RBMS3: variants seen among roughly 807,000 people sequenced by gnomAD.
RBMS3 encodes RNA binding motif single stranded interacting protein 3.
In RBMS3, 27 loss-of-function variants were observed where a neutral mutation model predicts 66.8. The ratio of observed to expected loss-of-function variants is 0.40; its 90% CI spans 0.30 to 0.56. The LOEUF (loss-of-function observed/expected upper bound fraction) is 0.56, where lower values mean the gene tolerates loss of function less well. RBMS3 is among the 20% of genes least tolerant of loss of function. The pLI, the probability that RBMS3 is intolerant of heterozygous loss-of-function variation, is 0.40. For missense variants in RBMS3, 513 were observed against 549.5 expected, an observed-to-expected ratio of 0.93 and a Z score of 0.66; for synonymous variants, 188 against 183.0, an observed-to-expected ratio of 1.03 and a Z score of -0.22.
intron 3 of RBMS3, among the ~76,000 whole-genome samples, chr3:29,584,377 A>G (rs1161742852): frequency 2.0e-5 from 3 of 152,006 alleles, no homozygotes; most frequent in Non-Finnish European, 4.4e-5. Context: ...TTTCTTTTAT[A>G]CTTACTCTGG....
intron 1 of RBMS3, among the ~76,000 whole-genome samples, chr3:29,405,126 G>A (rs1455518550): frequency 6.6e-6 from 1 of 152,084 alleles, no homozygotes; most frequent in Non-Finnish European, 1.5e-5. Context: ...AGTTTTCATA[G>A]ATTTTAAAAA....
At chr3:29,800,824 T>C (rs1423305521) in intron 6 of RBMS3, among the ~76,000 whole-genome samples, 4 of 152,010 alleles carry the variant, frequency 2.6e-5, no homozygotes, top group Non-Finnish European at 5.9e-5. Flanking sequence ...ACATTTTTTT[T>C]CCATATCACA....
chr3:29,686,474 C>T (rs1339152775), intron 4 of RBMS3, among the ~76,000 whole-genome samples: 4 of 151,966 alleles, frequency 2.6e-5, no homozygotes, highest in Admixed American at 2.6e-4. Context: ...TGCTTGAGGC[C>T]AGGAGTTTAA....
chr3:29,782,764 C>T (rs900894079), intron 6 of RBMS3, among the ~76,000 whole-genome samples: 1 of 152,024 alleles, frequency 6.6e-6, no homozygotes, highest in African/African-American at 2.4e-5. Context: ...TGAAGTCCAA[C>T]TTAAAGAAAT....
intron 2 of RBMS3, among the ~76,000 whole-genome samples, chr3:29,462,894 A>G (rs1371527125): frequency 1.3e-5 from 2 of 152,236 alleles, no homozygotes; most frequent in Admixed American, 1.3e-4. Context: ...TTTTTTAGAG[A>G]TGATCTTCAG....
chr3:29,360,300 A>G (rs2037497039), intron 1 of RBMS3, among the ~76,000 whole-genome samples: 1 of 151,796 alleles, frequency 6.6e-6, no homozygotes, highest in Non-Finnish European at 1.5e-5. Flanking sequence ...TCATTTCGTT[A>G]TGTACCCAGT....
chr3:29,781,810 T>C (rs10470660), intron 6 of RBMS3, among the ~76,000 whole-genome samples: 74,106 of 151,440 alleles, frequency 0.49, 18,415 homozygotes, highest in East Asian at 0.64. Flanking sequence ...GGAGTGAGAC[T>C]GGCCTTTAGT....
At chr3:29,587,797 G>T (rs1270355531) in intron 4 of RBMS3, among the ~76,000 whole-genome samples, 3 of 151,892 alleles carry the variant, frequency 2.0e-5, no homozygotes, top group African/African-American at 7.3e-5. Context: ...AGTTTTCTAA[G>T]ATACTTTTAG....
chr3:29,970,797 T>C (rs963914454), intron 12 of RBMS3, among the ~76,000 whole-genome samples: 1 of 152,202 alleles, frequency 6.6e-6, no homozygotes, highest in Admixed American at 6.6e-5. Flanking sequence ...AAAATCCCAC[T>C]CAGAGTCACA....
intron 4 of RBMS3, among the ~76,000 whole-genome samples, chr3:29,699,061 T>C (rs1405343246): frequency 6.6e-6 from 1 of 152,204 alleles, no homozygotes; most frequent in East Asian, 1.9e-4. Flanking sequence ...CAATTGGCTT[T>C]GTTATGAAAT....
intron 1 of RBMS3, among the ~76,000 whole-genome samples, chr3:29,300,163 A>G (rs906854978): frequency 6.6e-6 from 1 of 151,968 alleles, no homozygotes; most frequent in Non-Finnish European, 1.5e-5. Flanking sequence ...TAACAACCAG[A>G]GTAGACGGAG....
intron 4 of RBMS3, among the ~76,000 whole-genome samples, chr3:29,651,286 T>G (rs1329618036): frequency 6.6e-6 from 1 of 152,202 alleles, no homozygotes; most frequent in Non-Finnish European, 1.5e-5. Context: ...AAACAGCATC[T>G]AATATTGCAC....
At chr3:29,475,542 G>C (rs1013780933) in intron 2 of RBMS3, among the ~76,000 whole-genome samples, 1 of 152,066 alleles carries the variant, frequency 6.6e-6, no homozygotes, top group Non-Finnish European at 1.5e-5. Context: ...GAATCACTGC[G>C]CCCAGCCAAT....
chr3:29,393,724 AAG>A (rs1225601017), intron 1 of RBMS3, among the ~76,000 whole-genome samples: 19 of 152,258 alleles, frequency 1.2e-4, no homozygotes, highest in Admixed American at 1.1e-3. Context: ...AAAGAGTACA[AAG>A]AGAGAAATTT....
At chr3:29,308,467 C>G (rs543992004) in intron 1 of RBMS3, among the ~76,000 whole-genome samples, 3 of 151,616 alleles carry the variant, frequency 2.0e-5, no homozygotes, top group African/African-American at 7.3e-5. Context: ...AGCTAAATCA[C>G]TAAATGGTTT....
intron 3 of RBMS3, among the ~76,000 whole-genome samples, chr3:29,558,504 T>G (rs2046433799): frequency 6.6e-6 from 1 of 152,326 alleles, no homozygotes; most frequent in Non-Finnish European, 1.5e-5. Context: ...AAGCAATTAA[T>G]ATTTACTTGG....
At chr3:29,985,305 A>T (rs6767596) in intron 12 of RBMS3, among the ~76,000 whole-genome samples, 21,576 of 152,106 alleles carry the variant, frequency 0.14, 1,788 homozygotes, top group Middle Eastern at 0.22. Flanking sequence ...AGTGGATCTT[A>T]GCTTGCTGGG....
At chr3:29,556,711 C>T (rs984502147) in intron 3 of RBMS3, among the ~76,000 whole-genome samples, 1 of 152,194 alleles carries the variant, frequency 6.6e-6, no homozygotes, top group Non-Finnish European at 1.5e-5. Context: ...GAGCCCCTCC[C>T]CAGACTTGAG....
intron 1 of RBMS3, among the ~76,000 whole-genome samples, chr3:29,361,710 C>T: frequency 6.6e-6 from 1 of 152,318 alleles, no homozygotes; most frequent in South Asian, 2.1e-4. Flanking sequence ...TTGGTCTTTT[C>T]ACATAGTCCC....
Sources: gnomAD v4.1 joint callset for allele counts (sites outside exome capture counted in the v4.1 genomes callset) on GRCh38, gnomAD v4.1.1 for gene constraint, MANE v1.5 for transcripts, NCBI Gene and HGNC (gene_info 2026-07-23, HGNC 2026-07-21) for gene names.